KIAA1549: variants seen among roughly 807,000 people sequenced by gnomAD.
KIAA1549 encodes the protein UPF0606 protein KIAA1549.
KIAA1549 carries 70 observed loss-of-function variants against 156.4 expected under a neutral mutation model. The ratio of observed to expected loss-of-function variants is 0.45; its 90% CI spans 0.37 to 0.55. The LOEUF is 0.55. Ranked by LOEUF, KIAA1549 falls within the 20% of genes least tolerant of loss-of-function variation. KIAA1549 has a pLI of 0.00. For synonymous variants in KIAA1549, 1,103 were observed against 1,066.4 expected (o/e 1.03, Z -0.67); for missense variants, 2,428 against 2,540.9 (o/e 0.96, Z 0.96).
rs377611353 is a variant in KIAA1549 at position 138,976,146 on chromosome 7, A to G, written c.187+4937T>C. ...GGCTGGAGTGCAGTGGCGCGATCTC[A>G]TTTCATTGCAACCTCTGCCTCCCGG... On this transcript the variant is annotated intron_variant, in intron 1 of 19. Coordinates refer to ENST00000422774, the MANE Select transcript of KIAA1549 (RefSeq NM_001164665.2). 2.9e-4 allele frequency among the ~76,000 whole-genome samples: 44 copies of G among 152,138 alleles called. 3 individuals carry two copies. The East Asian group carries it at 6.4e-3, about 22-fold the overall frequency.
intron 18 of KIAA1549, 47 bp from the exon 19 acceptor site, chr7:138,840,325 TATGGCTGCTGAGG>T: frequency 6.4e-7 from 1 of 1,558,940 alleles, no homozygotes; most frequent in Non-Finnish European, 8.7e-7. Flanking sequence ...TATAGGAGAG[TATGGCTGCTGAGG>T]ATGGCTGCCG....
chr7:138,911,164 T>C lies in KIAA1549; in HGVS notation c.3127A>G (p.Arg1043Gly). The C allele has an allele frequency of 1.3e-5, 20 of 1,595,058 alleles. No homozygotes were observed. Among genetic ancestry groups the C allele is most frequent in the Non-Finnish European group, 1.6e-5 (19 of 1,171,150 alleles). The change falls in exon 4 of 20, where the codon AGG (arginine) becomes GGG (glycine). Residue 1043 changes from arginine to glycine, a missense_variant. Transcript: ENST00000422774. ...GTCTCACCTGTTTGAACTTGGAACC[T>C]GGACTCTGGCACAAGGAAAGAAGGT... Reference protein sequence around the residue: ...VKPSFLVPESRFQVQTVLQFV... With the variant: ...VKPSFLVPESGFQVQTVLQFV...
In KIAA1549 at chr7:138,898,959, G is replaced by C. The variant is rs532278616; in HGVS notation, c.3843C>G (p.Ala1281=). 2.5e-6 allele frequency: 4 copies of C among 1,613,706 alleles called. No individual in the cohort carries two copies. In the East Asian group the frequency reaches 6.7e-5, roughly 27 times the overall value. The change falls in exon 9 of 20, where the codon GCC becomes GCG. Residue 1281 remains alanine (A), a synonymous_variant. Transcript: ENST00000422774. The stretch of plus-strand genomic sequence containing the variant: ...GACAACACCTCAGGCACTTACGCTG[G>C]GCAATGACACCTTGAATTCGGTAAC... ...ILGYRIQGVI[A]QPVDRVKRPS...
chr7:138,890,776 C>G (rs1330896571), intron 10 of KIAA1549, among the ~76,000 whole-genome samples: 1 of 152,244 alleles, frequency 6.6e-6, no homozygotes, highest in African/African-American at 2.4e-5. Flanking sequence ...CCAAAGGGAT[C>G]GTTCCAAAAG....
At chr7:138,873,468 C>T (rs1462622117) in intron 12 of KIAA1549, among the ~76,000 whole-genome samples, 1 of 152,154 alleles carries the variant, frequency 6.6e-6, no homozygotes. Flanking sequence ...CCCTGCTTAA[C>T]CCAGACTTAT....
At position 138,835,975 on chromosome 7, in the gene KIAA1549, T is replaced by C; in HGVS notation, c.*1931A>G. On this transcript the variant is annotated 3_prime_UTR_variant, in exon 20 of 20. Transcript: ENST00000422774. ...CTTCCCAGAACCAACTTCCCTCATATTGTAAGACTCTAAATCTGTACAACA... is the reference window on the plus strand; with the variant it reads ...CTTCCCAGAACCAACTTCCCTCATACTGTAAGACTCTAAATCTGTACAACA... The C allele has an allele frequency of 4.7e-6, 1 of 211,656 alleles. No individual in the cohort carries two copies. Among genetic ancestry groups the C allele is most frequent in the African/African-American group, 2.3e-5 (1 of 44,254 alleles). 13.1% of individuals were successfully genotyped at this position (211,656 alleles called of 1,614,324 possible). A position where few individuals can be genotyped will look rare whatever the true frequency, so the allele number is the denominator to read the frequency against.
In KIAA1549 at chr7:138,836,796, T is replaced by C. The variant is rs1051904631; in HGVS notation, c.*1110A>G. 2 of 224,304 alleles carry C rather than the reference T, an allele frequency of 8.9e-6. No homozygotes were observed. The highest frequency in any genetic ancestry group is 1.8e-5 in the Non-Finnish European group (2 of 112,572). 13.9% of individuals were successfully genotyped at this position (224,304 alleles called of 1,614,324 possible). A position where few individuals can be genotyped will look rare whatever the true frequency, so the allele number is the denominator to read the frequency against. On this transcript the variant is annotated 3_prime_UTR_variant, in exon 20 of 20. Transcript: ENST00000422774. ...TGGGGTCTCAAAGCTCTTTTACATT[T>C]CTTGATTCATTACAGAGAGGCTGAA...
At chr7:138,949,764 T>C (rs1400364696) in intron 1 of KIAA1549, among the ~76,000 whole-genome samples, 1 of 152,214 alleles carries the variant, frequency 6.6e-6, no homozygotes, top group East Asian at 1.9e-4. Context: ...TGAGGACCTA[T>C]GACAGAACCC....
intron 16 of KIAA1549, among the ~76,000 whole-genome samples, chr7:138,858,562 T>A (rs531178575): frequency 1.3e-5 from 2 of 152,308 alleles, no homozygotes; most frequent in Non-Finnish European, 2.9e-5. Context: ...TTGTGGTTTG[T>A]TAGGTAGAAC....
At chr7:138,967,931 C>T (rs117046810) in intron 1 of KIAA1549, among the ~76,000 whole-genome samples, 8 of 152,320 alleles carry the variant, frequency 5.3e-5, no homozygotes, top group Non-Finnish European at 8.8e-5. Flanking sequence ...TGCCAGTTCC[C>T]AAAGCGAGCA....
intron 1 of KIAA1549, among the ~76,000 whole-genome samples, chr7:138,944,816 A>G (rs1813293303): frequency 6.6e-6 from 1 of 152,216 alleles, no homozygotes; most frequent in African/African-American, 2.4e-5. Context: ...GTATGACTCC[A>G]TTTACATGAA....
At chr7:138,980,482 T>C (rs865984374) in intron 1 of KIAA1549, among the ~76,000 whole-genome samples, 1 of 152,162 alleles carries the variant, frequency 6.6e-6, no homozygotes. Context: ...CACACTCCAT[T>C]GTACTAATAA....
At chr7:138,907,339 C>T (rs1812036793) in intron 5 of KIAA1549, among the ~76,000 whole-genome samples, 1 of 152,184 alleles carries the variant, frequency 6.6e-6, no homozygotes, top group Admixed American at 6.5e-5. Context: ...CCTCCCACCC[C>T]AAATGCCACT....
intron 6 of KIAA1549, among the ~76,000 whole-genome samples, chr7:138,906,663 T>G (rs962218556): frequency 6.6e-6 from 1 of 151,538 alleles, no homozygotes; most frequent in Non-Finnish European, 1.5e-5. Context: ...GGGGGAAGAG[T>G]GGCGGGAGGA....
chr7:138,893,128 G>C (rs1171230555), intron 10 of KIAA1549, among the ~76,000 whole-genome samples: 1 of 152,188 alleles, frequency 6.6e-6, no homozygotes, highest in Non-Finnish European at 1.5e-5. Flanking sequence ...AACCTGATGT[G>C]ACCCTCGAAT....
intron 1 of KIAA1549, among the ~76,000 whole-genome samples, chr7:138,923,388 G>A (rs1584759784): frequency 6.6e-6 from 1 of 152,194 alleles, no homozygotes; most frequent in East Asian, 1.9e-4. Flanking sequence ...ATCACCTGAG[G>A]TCAGGAGTTC....
At chr7:138,861,072 T>TCAGG in intron 16 of KIAA1549, 67 bp downstream of exon 16, 1 of 1,520,940 alleles carries the variant, frequency 6.6e-7, no homozygotes, top group Non-Finnish European at 9.1e-7. Context: ...AGCCTGAAAG[T>TCAGG]CAGGCAGTCA....
intron 12 of KIAA1549, among the ~76,000 whole-genome samples, chr7:138,878,544 T>C (rs993052070): frequency 6.6e-6 from 1 of 152,210 alleles, no homozygotes; most frequent in African/African-American, 2.4e-5. Flanking sequence ...ATGGATCGCT[T>C]GAGTCAAGGA....
At chr7:138,876,288 T>C (rs1298133771) in intron 12 of KIAA1549, 2 of 152,230 alleles carry the variant, frequency 1.3e-5, no homozygotes, top group Non-Finnish European at 2.9e-5. Context: ...ACTCCAAAAT[T>C]ACTTGAAAAA....
Sources: allele counts gnomAD v4.1 joint callset (sites outside exome capture counted in the v4.1 genomes callset), GRCh38; gene constraint gnomAD v4.1.1; transcripts MANE v1.5; gene names NCBI Gene and HGNC (gene_info 2026-07-23, HGNC 2026-07-21).